Variants in TRA2B observed in about 807,000 individuals in gnomAD.
The protein encoded by TRA2B is transformer-2 protein homolog beta.
Under a neutral mutation model 41.7 loss-of-function variants are expected in TRA2B, and 14 were observed. The observed-to-expected ratio is 0.34, with a 90% CI of 0.22 to 0.53. TRA2B has a LOEUF of 0.53. Among genes scored for constraint, TRA2B ranks in the 20% least tolerant of loss-of-function variants. The pLI, the probability that TRA2B is intolerant of heterozygous loss-of-function variation, is 0.95. For missense variants in TRA2B, 167 were observed against 396.8 expected (o/e 0.42, Z 4.92); for synonymous variants, 130 against 128.8 (o/e 1.01, Z -0.06).
At chr3:185,923,713 G>C in intron 4 of TRA2B, 83 bp downstream of exon 4, 1 of 1,340,606 alleles carries the variant, frequency 7.5e-7, no homozygotes. Context: ...ACTTGTCCTT[G>C]TCCTTATCCT....
intron 4 of TRA2B, 31 bp from the exon 5 acceptor site, chr3:185,922,157 T>C: frequency 6.5e-7 from 1 of 1,541,250 alleles, no homozygotes; most frequent in Non-Finnish European, 8.9e-7. Flanking sequence ...GTTACATACA[T>C]CCTGAACAAA....
Position 185,926,674 on chromosome 3 carries a change from T to C in TRA2B, c.97A>G (p.Thr33Ala). 6.2e-7 allele frequency: 1 copy of C among 1,614,122 alleles called. No homozygotes were observed. The highest frequency in any genetic ancestry group is 8.5e-7 in the Non-Finnish European group (1 of 1,179,998). The part of the protein sequence containing the change: ...AHGSGKSARH[T>A]PARSRSKEDS... ...TCCTTGGAGCGAGACCTTGCAGGGGTATGCCTTGCAGATTTCCCCGATCCG... is the reference window on the plus strand; with the variant it reads ...TCCTTGGAGCGAGACCTTGCAGGGGCATGCCTTGCAGATTTCCCCGATCCG... The change falls in exon 2 of 9, where the codon ACC becomes GCC. Residue 33 changes from threonine (T) to alanine (A), a missense_variant. Transcript: ENST00000453386.
Position 185,921,207 on chromosome 3 carries a change from C to T in TRA2B, c.639-20G>A. 1 of 1,607,824 alleles carries T rather than the reference C, an allele frequency of 6.2e-7. No individual in the cohort carries two copies. Among genetic ancestry groups the T allele is most frequent in the Non-Finnish European group, 8.5e-7 (1 of 1,174,500 alleles). On this transcript the variant is annotated intron_variant, in intron 5 of 8. Coordinates refer to ENST00000453386, the MANE Select transcript of TRA2B (RefSeq NM_004593.3). ...CTGCCACTATGAAGAAAAAAATATT[C>T]AGGTGACCTCCCTTATCTTTCTGGA...
intron 1 of TRA2B, chr3:185,934,504 T>C (rs1437568782): frequency 1.0e-6 from 1 of 985,312 alleles, no homozygotes; most frequent in African/African-American, 1.7e-5. Context: ...TATTAAAGCA[T>C]TCTTGTTTAA....
At chr3:185,930,960 TAAACAG>T (rs1003879561) in intron 1 of TRA2B, among the ~76,000 whole-genome samples, 6 of 152,212 alleles carry the variant, frequency 3.9e-5, no homozygotes, top group Non-Finnish European at 5.9e-5. Flanking sequence ...AAATAGGCAT[TAAACAG>T]AAACAGAATT....
At chr3:185,921,503 G>T (rs1346267992) in intron 5 of TRA2B, among the ~76,000 whole-genome samples, 1 of 152,156 alleles carries the variant, frequency 6.6e-6, no homozygotes, top group Non-Finnish European at 1.5e-5. Context: ...AGCAACTCAC[G>T]CCTGTAATCC....
rs1430815937 is a variant in TRA2B at position 185,915,069 on chromosome 3, CACTT to C, written c.*2642_*2645del. 6.6e-6 allele frequency among the ~76,000 whole-genome samples: 1 copy of C among 152,132 alleles called. No homozygotes were observed. Among genetic ancestry groups the C allele is most frequent in the Non-Finnish European group, 1.5e-5 (1 of 68,008 alleles). ...GTGCAAGCTAGATCCCTCTCAAGCG[CACTT>C]CACAATAGGATTCCTGCTATGAAAA... is the stretch of plus-strand genomic sequence containing the variant. On this transcript the variant is annotated 3_prime_UTR_variant, in exon 9 of 9. Coordinates refer to ENST00000453386, the MANE Select transcript of TRA2B (RefSeq NM_004593.3).
In TRA2B at chr3:185,914,633, C is replaced by G. The variant is rs571268128; in HGVS notation, c.*3082G>C. On this transcript the variant is annotated 3_prime_UTR_variant, in exon 9 of 9. Coordinates refer to ENST00000453386, the MANE Select transcript of TRA2B (RefSeq NM_004593.3). The stretch of plus-strand genomic sequence containing the variant: ...AATCCTTTACACTATATACAATAAT[C>G]CTTTACATTACTGTAGTAGCATTCT... 1.3e-5 allele frequency among the ~76,000 whole-genome samples: 2 copies of G among 152,100 alleles called. No homozygotes were observed. The highest frequency in any genetic ancestry group is 3.9e-4 in the East Asian group (2 of 5,178).
chr3:185,936,296 CACG>C, intron 1 of TRA2B: 13 of 985,402 alleles, frequency 1.3e-5, no homozygotes, highest in Non-Finnish European at 1.6e-5. Context: ...GATCAGAAGT[CACG>C]ACTTTTTAAC....
intron 1 of TRA2B, among the ~76,000 whole-genome samples, chr3:185,933,882 A>C (rs1004767397): frequency 2.0e-5 from 3 of 152,132 alleles, no homozygotes; most frequent in African/African-American, 7.2e-5. Flanking sequence ...TCAGAAGACT[A>C]CCTTTTAACC....
In TRA2B at chr3:185,919,787, T is replaced by C. The variant is rs974454567; in HGVS notation, c.723-291A>G. ...GTACCTTTAGTACCATTCAATAGAGTGATGCTTTAAATAAAAAAAGGGTTT... is the reference window on the plus strand; with the variant it reads ...GTACCTTTAGTACCATTCAATAGAGCGATGCTTTAAATAAAAAAAGGGTTT... On this transcript the variant is annotated intron_variant, in intron 6 of 8. Transcript: ENST00000453386. Among the ~76,000 whole-genome samples, 6 of 151,334 alleles carry C rather than the reference T, an allele frequency of 4.0e-5. No homozygotes were observed. The South Asian group carries it at 1.0e-3, about 26-fold the overall frequency.
chr3:185,920,977 T>G (rs555152642), intron 6 of TRA2B, 127 bp downstream of exon 6: 17 of 626,794 alleles, frequency 2.7e-5, no homozygotes, highest in African/African-American at 1.6e-4. Context: ...GATTTAACTT[T>G]CTACTCTGCA....
chr3:185,919,549 A>G, intron 6 of TRA2B, 53 bp from the exon 7 acceptor site: 6 of 1,463,840 alleles, frequency 4.1e-6, no homozygotes, highest in Non-Finnish European at 5.6e-6. Flanking sequence ...AGTTTTAAAA[A>G]ATTATGTCAT....
At chr3:185,935,279 A>G (rs1400227054) in intron 1 of TRA2B, 1 of 985,356 alleles carries the variant, frequency 1.0e-6, no homozygotes, top group Non-Finnish European at 1.2e-6. Context: ...GTTTGGCCAG[A>G]TCAGGTTAAG....
At chr3:185,936,232 GCTTA>G (rs1442425633) in intron 1 of TRA2B, 5 of 985,138 alleles carry the variant, frequency 5.1e-6, no homozygotes, top group Admixed American at 6.2e-5. Context: ...CTTTAAAATC[GCTTA>G]CTTTGCAGTC....
chr3:185,931,491 C>G (rs2150118150), intron 1 of TRA2B: 1 of 983,960 alleles, frequency 1.0e-6, no homozygotes, highest in African/African-American at 1.7e-5. Context: ...CACTTCTTTA[C>G]CCTGTATATA....
At chr3:185,931,521 TAATG>T in intron 1 of TRA2B, 1 of 1,109,272 alleles carries the variant, frequency 9.0e-7, no homozygotes, top group Non-Finnish European at 1.1e-6. Flanking sequence ...ATTAAACAAA[TAATG>T]CATGCATGTT....
rs1743532037 is a variant in TRA2B, at chr3:185,917,192, ATAATTT to A, written c.*517_*522del. 6.5e-6 allele frequency: 1 copy of A among 153,054 alleles called. No individual in the cohort carries two copies. The highest frequency in any genetic ancestry group is 6.5e-5 in the Admixed American group (1 of 15,342). The allele number at this position is 153,054 out of a possible 1,614,324, so 9.5% of individuals were successfully genotyped here. A position where few individuals can be genotyped will look rare whatever the true frequency, so the allele number is the denominator to read the frequency against. On this transcript the variant is annotated 3_prime_UTR_variant, in exon 9 of 9. Transcript: ENST00000453386. ...TACTAGCAGTACAGAGTTACAGAGCATAATTTTAAACACTTAGTTGCAGGTATATAA... is the reference window on the plus strand; with the variant it reads ...TACTAGCAGTACAGAGTTACAGAGCATAAACACTTAGTTGCAGGTATATAA...
At chr3:185,921,864 G>A (rs746735556) in intron 5 of TRA2B, 147 bp downstream of exon 5, 12 of 534,354 alleles carry the variant, frequency 2.2e-5, no homozygotes, top group Non-Finnish European at 3.7e-5. Context: ...CTTCTACTAT[G>A]AGAAAAATGC....
Sources: gnomAD v4.1 joint callset for allele counts (sites outside exome capture counted in the v4.1 genomes callset) on GRCh38, gnomAD v4.1.1 for gene constraint, MANE v1.5 for transcripts, NCBI Gene and HGNC (gene_info 2026-07-23, HGNC 2026-07-21) for gene names.